Variants in SIRT5 observed in about 807,000 individuals in gnomAD.
SIRT5 encodes sirtuin 5.
SIRT5 carries 26 observed loss-of-function variants against 40.0 expected under a neutral mutation model. That is an observed-to-expected ratio of 0.65 (90% CI 0.48 to 0.90). The LOEUF is 0.90. Ranked by LOEUF, SIRT5 falls within the 40% of genes least tolerant of loss-of-function variation. SIRT5 has a pLI of 0.00. For missense variants in SIRT5, 401 were observed against 402.4 expected (o/e 1.00, Z 0.03); for synonymous variants, 146 against 149.1 (o/e 0.98, Z 0.15).
chr6:13,607,722 G>T lies in SIRT5; in HGVS notation c.858-4068G>T, dbSNP rs1763303011. Among the ~76,000 whole-genome samples the T allele has an allele frequency of 6.6e-6, 1 of 152,114 alleles. No homozygotes were observed. The highest frequency in any genetic ancestry group is 2.4e-5 in the African/African-American group (1 of 41,418). ...TTAAATCAAATATAGTTGGAGATGT[G>T]ATTCCAAGTGCATTGGAAACACTGC... On this transcript the variant is annotated intron_variant, in intron 9 of 9. Transcript: ENST00000606117. This position sits in a 1 kb window ranked among gnomAD's most constrained non-coding sequence, Gnocchi z 4.0.
chr6:13,610,532 G>A (rs892908422), intron 9 of SIRT5, among the ~76,000 whole-genome samples: 1 of 152,204 alleles, frequency 6.6e-6, no homozygotes, highest in African/African-American at 2.4e-5. Context: ...CACACTCGGG[G>A]ATGAGGTATC....
chr6:13,612,173 ATAGT>A lies in SIRT5; in HGVS notation c.*311_*314del, dbSNP rs960254587. 1 of 217,936 alleles carries A rather than the reference ATAGT, an allele frequency of 4.6e-6. No homozygotes were observed. The highest frequency in any genetic ancestry group is 2.3e-5 in the African/African-American group (1 of 44,198). The allele number at this position is 217,936 out of a possible 1,614,324, so 13.5% of individuals were successfully genotyped here. A position where few individuals can be genotyped will look rare whatever the true frequency, so the allele number is the denominator to read the frequency against. On this transcript the variant is annotated 3_prime_UTR_variant, in exon 10 of 10. Coordinates refer to ENST00000606117, the MANE Select transcript of SIRT5 (RefSeq NM_012241.5). ...TTGTAAATTAGATTGTCTAAAAAAA[ATAGT>A]TATTCTGATTATATTTTTGTTATCT...
At chr6:13,588,186 A>T in intron 3 of SIRT5, 145 bp from the exon 4 acceptor site, 2 of 998,418 alleles carry the variant, frequency 2.0e-6, no homozygotes, top group Non-Finnish European at 2.9e-6. Flanking sequence ...TCACATGGGG[A>T]TGGTGTTTTC....
chr6:13,605,126 T>C, intron 9 of SIRT5: 1 of 985,534 alleles, frequency 1.0e-6, no homozygotes, highest in Non-Finnish European at 1.2e-6. Flanking sequence ...GGCAGAATTG[T>C]ATATCTCGTG....
intron 2 of SIRT5, among the ~76,000 whole-genome samples, chr6:13,582,204 G>A (rs1260087933): frequency 1.3e-5 from 2 of 152,122 alleles, no homozygotes; most frequent in East Asian, 1.9e-4. Flanking sequence ...TCCTTGCTCA[G>A]CTCTAATCTC....
intron 9 of SIRT5, among the ~76,000 whole-genome samples, chr6:13,601,778 C>G (rs1465102155): frequency 6.6e-6 from 1 of 151,642 alleles, no homozygotes; most frequent in Non-Finnish European, 1.5e-5. Flanking sequence ...GATAAGCTTC[C>G]TAGGTGATTC....
At chr6:13,590,178 G>A (rs1020297962) in intron 4 of SIRT5, among the ~76,000 whole-genome samples, 1 of 152,182 alleles carries the variant, frequency 6.6e-6, no homozygotes, top group African/African-American at 2.4e-5. Flanking sequence ...TGTGCATTGT[G>A]TGTACAGTTT....
rs1213635286 is a variant in SIRT5 at position 13,584,139 on chromosome 6, G to A, written c.29G>A (p.Arg10Gln). 11 of 1,613,990 alleles carry A rather than the reference G, an allele frequency of 6.8e-6. No individual in the cohort carries two copies. Among genetic ancestry groups the A allele is most frequent in the East Asian group, 2.2e-5 (1 of 44,900 alleles). The change falls in exon 3 of 10, where the codon CGA becomes CAA. Residue 10 changes from arginine (R) to glutamine (Q), a missense_variant. Coordinates refer to ENST00000606117, the MANE Select transcript of SIRT5 (RefSeq NM_012241.5). MRPLQIVPS[R>Q]LISQLYCGLK... ...CGACCTCTCCAGATTGTCCCAAGTCGATTGATTTCCCAGCTATATTGTGGC... is the reference window on the plus strand; with the variant it reads ...CGACCTCTCCAGATTGTCCCAAGTCAATTGATTTCCCAGCTATATTGTGGC...
chr6:13,597,154 C>A, intron 7 of SIRT5, 138 bp downstream of exon 7: 1 of 652,694 alleles, frequency 1.5e-6, no homozygotes, highest in Admixed American at 3.1e-5. Flanking sequence ...GGCTTGATCT[C>A]TGAGACCAAA....
chr6:13,585,559 A>G (rs1000181390), intron 3 of SIRT5, among the ~76,000 whole-genome samples: 6 of 152,202 alleles, frequency 3.9e-5, no homozygotes, highest in Non-Finnish European at 8.8e-5. Context: ...ATGTCCCTGC[A>G]AAGGACATGA....
intron 1 of SIRT5, among the ~76,000 whole-genome samples, chr6:13,578,844 G>C (rs1758976568): frequency 6.6e-6 from 1 of 151,966 alleles, no homozygotes; most frequent in Non-Finnish European, 1.5e-5. Context: ...GTGAGTTTCA[G>C]ATTTCATGAA....
In SIRT5 at chr6:13,613,347, A is replaced by T. The variant is rs183258090; in HGVS notation, c.*1482A>T. On this transcript the variant is annotated 3_prime_UTR_variant, in exon 10 of 10. Transcript: ENST00000606117. Reference sequence around the variant, plus strand: ...GAATACAGCTTTTTCCTTAACCTTTACCAGCTAACTCAGTGCTTAGGGGCC... The same window carrying T: ...GAATACAGCTTTTTCCTTAACCTTTTCCAGCTAACTCAGTGCTTAGGGGCC... The T allele has an allele frequency of 2.6e-5, 4 of 152,246 alleles. No homozygotes were observed. In the East Asian group the frequency reaches 5.8e-4, roughly 22 times the overall value. The allele number at this position is 152,246 out of a possible 1,614,324, so 9.4% of individuals were successfully genotyped here.
Position 13,579,531 on chromosome 6 carries a change from T to G in SIRT5, c.-114T>G, listed in dbSNP as rs978635619. ...TGGATCAAATTAGAAGTCTGTATTATATTGATGTCTCCAGATTCAAATATA... is the reference window on the plus strand; with the variant it reads ...TGGATCAAATTAGAAGTCTGTATTAGATTGATGTCTCCAGATTCAAATATA... On this transcript the variant is annotated 5_prime_UTR_variant, in exon 2 of 10. Coordinates refer to ENST00000606117, the MANE Select transcript of SIRT5 (RefSeq NM_012241.5). 1.3e-5 allele frequency: 2 copies of G among 152,224 alleles called. No individual in the cohort carries two copies. Among genetic ancestry groups the G allele is most frequent in the Non-Finnish European group, 2.9e-5 (2 of 68,042 alleles). The allele number at this position is 152,224 out of a possible 1,614,324, so 9.4% of individuals were successfully genotyped here.
At chr6:13,591,067 AGTT>A (rs781418450) in intron 4 of SIRT5, among the ~76,000 whole-genome samples, 46 of 150,210 alleles carry the variant, frequency 3.1e-4, no homozygotes, top group Middle Eastern at 3.4e-3. Context: ...GTGTGTGTCT[AGTT>A]GTGTGTATGT....
chr6:13,601,013 C>T (rs1762306116), intron 9 of SIRT5, 64 bp downstream of exon 9: 6 of 1,196,188 alleles, frequency 5.0e-6, no homozygotes, highest in Non-Finnish European at 7.3e-6. Flanking sequence ...GTCATCTAAA[C>T]ATAGTTGACC....
At chr6:13,603,299 C>T (rs1214038448) in intron 9 of SIRT5, among the ~76,000 whole-genome samples, 2 of 145,014 alleles carry the variant, frequency 1.4e-5, no homozygotes, top group Admixed American at 1.4e-4. Context: ...AAAAAAAAGA[C>T]AACCCATAGA....
intron 9 of SIRT5, among the ~76,000 whole-genome samples, chr6:13,609,358 G>A (rs1763545074): frequency 6.6e-6 from 1 of 152,236 alleles, no homozygotes; most frequent in African/African-American, 2.4e-5. Flanking sequence ...GAAAGGTGGA[G>A]TTATTAAAGC....
intron 9 of SIRT5, among the ~76,000 whole-genome samples, chr6:13,602,659 T>G (rs561173050): frequency 1.3e-5 from 2 of 152,306 alleles, no homozygotes; most frequent in African/African-American, 4.8e-5. Context: ...GGTCAACTGA[T>G]TTTTGAAAAG....
At position 13,607,929 on chromosome 6, in the gene SIRT5, A is replaced by T. The variant is rs888307554; in HGVS notation, c.858-3861A>T. On this transcript the variant is annotated intron_variant, in intron 9 of 9. Coordinates refer to ENST00000606117, the MANE Select transcript of SIRT5 (RefSeq NM_012241.5). This position sits in a 1 kb window ranked among gnomAD's most constrained non-coding sequence, Gnocchi z 4.0. ...CCACCACACCCAGCTAATTTTTTGT[A>T]TTTTTTTTTTAGTAGAGACGGGTTT... Among the ~76,000 whole-genome samples, 7 of 148,208 alleles carry T rather than the reference A, an allele frequency of 4.7e-5. No individual in the cohort carries two copies. The highest frequency in any genetic ancestry group is 1.7e-4 in the African/African-American group (7 of 40,322).
Sources: gnomAD v4.1 joint callset for allele counts (sites outside exome capture counted in the v4.1 genomes callset) on GRCh38, gnomAD v4.1.1 for gene constraint, Gnocchi (gnomAD v3.1) non-coding constraint, MANE v1.5 for transcripts, NCBI Gene and HGNC (gene_info 2026-07-23, HGNC 2026-07-21) for gene names.